Variants in TENM1 observed in about 807,000 individuals in gnomAD.
TENM1 encodes teneurin transmembrane protein 1, also known as teneurin-1.
Under a neutral mutation model 174.8 loss-of-function variants are expected in TENM1, and 35 were observed. That is an observed-to-expected ratio of 0.20 (90% CI 0.15 to 0.27). TENM1 has a LOEUF of 0.27. Among genes scored for constraint, TENM1 ranks in the 10% least tolerant of loss-of-function variants. TENM1 has a pLI of 1.00. For synonymous variants in TENM1, 781 were observed against 798.7 expected, an observed-to-expected ratio of 0.98 and a Z score of 0.37; for missense variants, 1,633 against 2,130.1, an observed-to-expected ratio of 0.77 and a Z score of 4.59.
chrX:125,065,630 A>G, the TENM1 span, among the ~76,000 whole-genome samples: 38,930 of 111,350 alleles, frequency 0.35, 6,903 homozygotes, highest in African/African-American at 0.7. Context: ...CCTTGATAGA[A>G]CTTATGTTGA....
At chrX:124,566,417 T>C (rs1168426408) in intron 11 of TENM1, among the ~76,000 whole-genome samples, 6 of 112,167 alleles carry the variant, frequency 5.3e-5, no homozygotes, top group Non-Finnish European at 1.1e-4. Flanking sequence ...TGAGAAATGC[T>C]GAATATTAAT....
chrX:124,869,191 C>A (rs1302078649), intron 3 of TENM1, among the ~76,000 whole-genome samples: 1 of 110,037 alleles, frequency 9.1e-6, no homozygotes, highest in East Asian at 2.8e-4. Flanking sequence ...CGAGATCATG[C>A]CACTGCACTC....
intron 3 of TENM1, among the ~76,000 whole-genome samples, chrX:124,799,483 G>T (rs1603211103): frequency 9.1e-6 from 1 of 110,314 alleles, no homozygotes; most frequent in East Asian, 2.9e-4. Flanking sequence ...TTCATGATTT[G>T]ACTCTCTGCT....
intron 18 of TENM1, among the ~76,000 whole-genome samples, chrX:124,506,193 T>C (rs187031027): frequency 8.9e-6 from 1 of 111,998 alleles, no homozygotes; most frequent in East Asian, 2.8e-4. Context: ...GAATCCCTTC[T>C]CCGGAAGGTG....
intron 22 of TENM1, among the ~76,000 whole-genome samples, chrX:124,458,842 A>G (rs2061137359): frequency 8.9e-6 from 1 of 112,511 alleles, no homozygotes; most frequent in Admixed American, 9.4e-5. Context: ...AAGTGAATGG[A>G]CAGCCCTTTT....
chrX:124,873,722 TAAATAC>T (rs1446782241), intron 3 of TENM1, among the ~76,000 whole-genome samples: 2 of 111,459 alleles, frequency 1.8e-5, no homozygotes, highest in Non-Finnish European at 3.8e-5. Flanking sequence ...TCAACTTCAA[TAAATAC>T]AGAGTTGTCT....
chrX:124,475,787 C>A (rs1396575278), intron 22 of TENM1, among the ~76,000 whole-genome samples: 1 of 111,152 alleles, frequency 9.0e-6, no homozygotes, highest in Non-Finnish European at 1.9e-5. Context: ...CCCAGTTTTG[C>A]TCCAGCGCAT....
the TENM1 span, among the ~76,000 whole-genome samples, chrX:125,172,197 C>T: frequency 2.3e-3 from 260 of 111,212 alleles, no homozygotes; most frequent in Non-Finnish European, 4.0e-3. Context: ...GAATGTTTCA[C>T]GGGCCTTAAA....
intron 3 of TENM1, among the ~76,000 whole-genome samples, chrX:124,768,400 T>C (rs987482326): frequency 9.8e-5 from 11 of 112,069 alleles, no homozygotes; most frequent in Non-Finnish European, 1.5e-4. Context: ...AGCTAAATAA[T>C]AAGCTTCAGA....
chrX:124,393,183 G>A (rs2060299938), intron 27 of TENM1, among the ~76,000 whole-genome samples: 1 of 110,429 alleles, frequency 9.1e-6, no homozygotes, highest in Non-Finnish European at 1.9e-5. Context: ...AGTATTCAAC[G>A]GTGCCTGACT....
intron 11 of TENM1, among the ~76,000 whole-genome samples, chrX:124,581,211 C>G (rs2858407): frequency 0.24 from 25,785 of 107,282 alleles, 2,465 homozygotes; most frequent in African/African-American, 0.34. Context: ...ATTACAGGTG[C>G]GTGCCACCAC....
At chrX:125,165,909 C>A in the TENM1 span, among the ~76,000 whole-genome samples, 1 of 110,992 alleles carries the variant, frequency 9.0e-6, no homozygotes, top group Non-Finnish European at 1.9e-5. Flanking sequence ...TGATTTGATG[C>A]TGATGACACT....
chrX:125,185,320 G>A, the TENM1 span, among the ~76,000 whole-genome samples: 1 of 111,937 alleles, frequency 8.9e-6, no homozygotes, highest in Non-Finnish European at 1.9e-5. Flanking sequence ...GGCTACTGCT[G>A]TTCCTACACA....
At chrX:124,974,902 A>ATATATATATATATATATAT in the TENM1 span, among the ~76,000 whole-genome samples, 9 of 91,976 alleles carry the variant, frequency 9.8e-5, no homozygotes, top group Non-Finnish European at 1.9e-4. Context: ...ATATATATAT[A>ATATATATATATATATATAT]AAATAATTTT....
chrX:124,941,913 A>C (rs2058333172), intron 1 of TENM1, among the ~76,000 whole-genome samples: 1 of 111,941 alleles, frequency 8.9e-6, no homozygotes, highest in African/African-American at 3.2e-5. Context: ...ACATGGCAGC[A>C]GGCAAAAGAG....
At chrX:124,960,810 A>C (rs780430571) in intron 1 of TENM1, among the ~76,000 whole-genome samples, 1 of 112,458 alleles carries the variant, frequency 8.9e-6, no homozygotes, top group African/African-American at 3.2e-5. Flanking sequence ...ACAGATAAGT[A>C]TTTTAATGAG....
chrX:124,652,029 T>C (rs2051321465), exon 8 of TENM1: 1 of 1,211,927 alleles, frequency 8.3e-7, no homozygotes, highest in African/African-American at 1.7e-5. Context: ...GAAGCGAAGT[T>C]AAGATCAGGT....
the TENM1 span, among the ~76,000 whole-genome samples, chrX:124,984,121 C>T: frequency 5.3e-5 from 6 of 112,312 alleles, no homozygotes; most frequent in African/African-American, 1.6e-4. Flanking sequence ...TGTGTGTGCA[C>T]GCATATACAT....
exon 4 of TENM1, chrX:124,737,025 G>A: frequency 2.5e-6 from 3 of 1,211,698 alleles, no homozygotes; most frequent in Non-Finnish European, 3.3e-6. Flanking sequence ...CCTGCGTGCT[G>A]GTTGGGGGAG....
Sources: gnomAD v4.1 joint callset for allele counts (sites outside exome capture counted in the v4.1 genomes callset) on GRCh38, gnomAD v4.1.1 for gene constraint, MANE v1.5 for transcripts, NCBI Gene and HGNC (gene_info 2026-07-23, HGNC 2026-07-21) for gene names.